MGAT5: variants seen among roughly 807,000 people sequenced by gnomAD.
MGAT5 encodes alpha-1,6-mannosylglycoprotein 6-beta-N-acetylglucosaminyltransferase A.
MGAT5 carries 30 observed loss-of-function variants against 94.3 expected under a neutral mutation model. The observed-to-expected ratio is 0.32, with a 90% CI of 0.24 to 0.43. The LOEUF (loss-of-function observed/expected upper bound fraction) is 0.43. MGAT5 is among the 20% of genes least tolerant of loss of function. The pLI is 1.00. For synonymous variants in MGAT5, 310 were observed against 322.9 expected (o/e 0.96, Z 0.43); for missense variants, 691 against 905.5 (o/e 0.76, Z 3.04).
chr2:134,286,774 AT>A (rs1685035984), intron 2 of MGAT5, among the ~76,000 whole-genome samples: 1 of 152,150 alleles, frequency 6.6e-6, no homozygotes, highest in African/African-American at 2.4e-5. Context: ...TGAATGATAC[AT>A]TCGTTGCATA....
At chr2:134,285,959 G>A (rs906765027) in intron 2 of MGAT5, among the ~76,000 whole-genome samples, 1 of 152,152 alleles carries the variant, frequency 6.6e-6, no homozygotes, top group African/African-American at 2.4e-5. Context: ...AAAATAAGGT[G>A]ATAGTAAATT....
At position 134,266,536 on chromosome 2, in the gene MGAT5, T is replaced by C. The variant is rs151272611; in HGVS notation, c.242-3850T>C. Among the ~76,000 whole-genome samples the C allele has an allele frequency of 1.8e-4, 28 of 152,322 alleles. No homozygotes were observed. The East Asian group carries it at 5.2e-3, about 28-fold the overall frequency. The stretch of plus-strand genomic sequence containing the variant: ...GCGCCAGCCTGTTATTTCTTTAAAG[T>C]TGTGATAAAACTGTTAACAGTTTTT... On this transcript the variant is annotated intron_variant, in intron 1 of 15. Coordinates refer to ENST00000281923, the MANE Select transcript of MGAT5 (RefSeq NM_002410.5).
chr2:134,345,121 T>C (rs1488876467), intron 8 of MGAT5, 57 bp downstream of exon 8: 7 of 1,566,208 alleles, frequency 4.5e-6, no homozygotes, highest in Non-Finnish European at 6.1e-6. Context: ...TAACAAAGGT[T>C]GCATGGTTGT....
chr2:134,222,462 C>T (rs1420832391), intron 1 of MGAT5, among the ~76,000 whole-genome samples: 1 of 152,256 alleles, frequency 6.6e-6, no homozygotes, highest in Non-Finnish European at 1.5e-5. Context: ...AATTGTGGGA[C>T]CAACATTTAA....
chr2:134,361,793 C>G (rs1680112762), intron 9 of MGAT5, among the ~76,000 whole-genome samples: 1 of 152,180 alleles, frequency 6.6e-6, no homozygotes, highest in South Asian at 2.1e-4. Context: ...TTATTCATCA[C>G]TTTGTCCCTC....
At chr2:134,143,103 C>T (rs897093546) in intron 1 of MGAT5, among the ~76,000 whole-genome samples, 3 of 152,126 alleles carry the variant, frequency 2.0e-5, no homozygotes, top group South Asian at 2.1e-4. Flanking sequence ...GGAATGGTAG[C>T]GGATGACTCA....
At chr2:134,215,993 T>C (rs1184969403) in intron 1 of MGAT5, among the ~76,000 whole-genome samples, 1 of 152,206 alleles carries the variant, frequency 6.6e-6, no homozygotes, top group Non-Finnish European at 1.5e-5. Context: ...TTTAATGGAC[T>C]CTAATCTCCA....
At chr2:134,334,496 CTT>C (rs59933611) in intron 4 of MGAT5, among the ~76,000 whole-genome samples, 4 of 34,112 alleles carry the variant, frequency 1.2e-4, no homozygotes, top group African/African-American at 1.2e-4. Context: ...CTTGCTCATC[CTT>C]TTTTTTTTTT....
intron 1 of MGAT5, among the ~76,000 whole-genome samples, chr2:134,140,998 A>G (rs1686628829): frequency 1.3e-5 from 2 of 152,236 alleles, no homozygotes; most frequent in South Asian, 4.1e-4. Flanking sequence ...CCATTGTAGC[A>G]GAATGAAGAA....
chr2:134,262,088 A>G (rs1683374134), intron 1 of MGAT5, among the ~76,000 whole-genome samples: 1 of 152,222 alleles, frequency 6.6e-6, no homozygotes, highest in African/African-American at 2.4e-5. Context: ...GATCATCTTA[A>G]AGCTTACTTC....
intron 1 of MGAT5, among the ~76,000 whole-genome samples, chr2:134,152,500 C>T (rs2105019250): frequency 6.6e-6 from 1 of 152,308 alleles, no homozygotes; most frequent in East Asian, 1.9e-4. Context: ...GGGACCCACT[C>T]ACTGCCATGG....
intron 1 of MGAT5, among the ~76,000 whole-genome samples, chr2:134,208,538 G>A (rs762267629): frequency 3.3e-5 from 5 of 152,196 alleles, no homozygotes; most frequent in Non-Finnish European, 7.3e-5. Context: ...TAGAATATGT[G>A]AGAAATGAGG....
At chr2:134,240,914 G>A (rs1681939273) in intron 1 of MGAT5, among the ~76,000 whole-genome samples, 1 of 152,100 alleles carries the variant, frequency 6.6e-6, no homozygotes. Context: ...AAACACAACT[G>A]GAAAAAATAT....
At chr2:134,361,810 C>T (rs545274445) in intron 9 of MGAT5, among the ~76,000 whole-genome samples, 1 of 152,242 alleles carries the variant, frequency 6.6e-6, no homozygotes, top group South Asian at 2.1e-4. Context: ...CCTCAACCTC[C>T]TGTTATGTAG....
intron 1 of MGAT5, among the ~76,000 whole-genome samples, chr2:134,151,798 G>T (rs1174304062): frequency 7.6e-6 from 1 of 130,898 alleles, no homozygotes. Context: ...ACTCACTCAT[G>T]CCCTATGGGA....
At chr2:134,428,991 A>G (rs1485233432) in intron 14 of MGAT5, among the ~76,000 whole-genome samples, 1 of 152,224 alleles carries the variant, frequency 6.6e-6, no homozygotes, top group Admixed American at 6.5e-5. Context: ...ATGTGCTCCT[A>G]GAAGTAAAGG....
intron 1 of MGAT5, among the ~76,000 whole-genome samples, chr2:134,244,035 A>C (rs565886904): frequency 3.9e-4 from 60 of 152,190 alleles, no homozygotes; most frequent in African/African-American, 1.3e-3. Flanking sequence ...CTAGATGTAG[A>C]GTGTTGCCAG....
At chr2:134,255,281 A>G (rs1307172327) in intron 1 of MGAT5, among the ~76,000 whole-genome samples, 1 of 152,076 alleles carries the variant, frequency 6.6e-6, no homozygotes, top group African/African-American at 2.4e-5. Flanking sequence ...CAGAAAGAGT[A>G]AAAAAATACA....
intron 1 of MGAT5, among the ~76,000 whole-genome samples, chr2:134,234,882 A>C (rs900635373): frequency 1.5e-4 from 23 of 152,354 alleles, no homozygotes; most frequent in African/African-American, 4.6e-4. Context: ...CTTCAATTCA[A>C]GGTCTTGTAT....
Sources: allele counts gnomAD v4.1 joint callset (sites outside exome capture counted in the v4.1 genomes callset), GRCh38; gene constraint gnomAD v4.1.1; transcripts MANE v1.5; gene names NCBI Gene and HGNC (gene_info 2026-07-23, HGNC 2026-07-21).